NOVA1: variants seen among roughly 807,000 people sequenced by gnomAD.
The protein encoded by NOVA1 is RNA-binding protein Nova-1.
A neutral mutation model predicts 38.0 loss-of-function variants in NOVA1; 7 were observed. The ratio of observed to expected loss-of-function variants is 0.18; its 90% CI spans 0.10 to 0.35. The LOEUF (loss-of-function observed/expected upper bound fraction) is 0.35. NOVA1 is among the 10% of genes least tolerant of loss of function. NOVA1 has a pLI of 1.00. For missense variants in NOVA1, 460 were observed against 616.0 expected (o/e 0.75, Z 2.68); for synonymous variants, 270 against 232.5 (o/e 1.16, Z -1.47).
At chr14:26,490,854 T>G (rs1186625116) in intron 2 of NOVA1, among the ~76,000 whole-genome samples, 4 of 143,448 alleles carry the variant, frequency 2.8e-5, no homozygotes, top group African/African-American at 5.2e-5. Flanking sequence ...TTTTTTTTTT[T>G]TTTTTTTTTT....
chr14:26,583,342 G>A (rs920604900), intron 2 of NOVA1, among the ~76,000 whole-genome samples: 1 of 151,540 alleles, frequency 6.6e-6, no homozygotes, highest in South Asian at 2.1e-4. Context: ...AACAAATCAT[G>A]AAATCATACC....
chr14:26,578,746 G>A (rs1893021229), intron 2 of NOVA1, among the ~76,000 whole-genome samples: 1 of 152,090 alleles, frequency 6.6e-6, no homozygotes, highest in African/African-American at 2.4e-5. Context: ...TATTACAAAT[G>A]AGAAGGAAAT....
intron 2 of NOVA1, among the ~76,000 whole-genome samples, chr14:26,518,935 T>C (rs1053591764): frequency 6.6e-6 from 1 of 152,082 alleles, no homozygotes; most frequent in African/African-American, 2.4e-5. Context: ...ATATACTTTT[T>C]CATTTTTGTT....
At chr14:26,501,922 T>G (rs1401719189) in intron 2 of NOVA1, among the ~76,000 whole-genome samples, 1 of 151,926 alleles carries the variant, frequency 6.6e-6, no homozygotes, top group Admixed American at 6.6e-5. Flanking sequence ...TAAACTAATA[T>G]GTCTGAGGAT....
intron 2 of NOVA1, among the ~76,000 whole-genome samples, chr14:26,532,703 T>C (rs1889808172): frequency 6.6e-6 from 1 of 152,162 alleles, no homozygotes; most frequent in Non-Finnish European, 1.5e-5. Context: ...ATAAGACATG[T>C]TTTACGAGAC....
intron 2 of NOVA1, among the ~76,000 whole-genome samples, chr14:26,566,630 C>CA (rs1892149918): frequency 6.6e-6 from 1 of 151,972 alleles, no homozygotes; most frequent in South Asian, 2.1e-4. Flanking sequence ...CGATAAATCC[C>CA]ATAATATGGC....
chr14:26,472,016 G>A (rs1447869815), intron 4 of NOVA1: 7 of 401,510 alleles, frequency 1.7e-5, no homozygotes, highest in African/African-American at 8.2e-5. Flanking sequence ...ATACAATAAG[G>A]GAGATTAAAA....
At chr14:26,581,639 C>A (rs2138769728) in intron 2 of NOVA1, among the ~76,000 whole-genome samples, 1 of 151,998 alleles carries the variant, frequency 6.6e-6, no homozygotes, top group Admixed American at 6.6e-5. Flanking sequence ...ATTTTCCTTT[C>A]AATGGCAAAA....
Position 26,444,694 on chromosome 14 carries a change from A to G in NOVA1, c.*3265T>C, listed in dbSNP as rs1010164030. On this transcript the variant is annotated 3_prime_UTR_variant, in exon 5 of 5. Transcript: ENST00000539517. ...AGTGGGGTGGGTGAAGTGAAGTAGG[A>G]TTGAAAGTCCTACAGGTAATAGCAA... The G allele has an allele frequency of 4.6e-5, 7 of 152,102 alleles. No homozygotes were observed. The highest frequency in any genetic ancestry group is 1.7e-4 in the African/African-American group (7 of 41,422). 9.4% of individuals were successfully genotyped at this position (152,102 alleles called of 1,614,324 possible). A position where few individuals can be genotyped will look rare whatever the true frequency, so the allele number is the denominator to read the frequency against.
chr14:26,536,532 A>T (rs1890110939), intron 2 of NOVA1, among the ~76,000 whole-genome samples: 1 of 152,030 alleles, frequency 6.6e-6, no homozygotes, highest in African/African-American at 2.4e-5. Context: ...AAAAAAATTT[A>T]AAAAGATATA....
Position 26,481,988 on chromosome 14 carries a change from T to TAAAAAAAAAAAA in NOVA1, c.281-1857_281-1846dup, listed in dbSNP as rs372806170. 4.5e-4 allele frequency among the ~76,000 whole-genome samples: 48 copies of TAAAAAAAAAAAA among 105,944 alleles called. 1 individual carries two copies. The highest frequency in any genetic ancestry group is 1.8e-3 in the African/African-American group (35 of 19,700). The allele number at this position is 105,944 out of a possible 152,430, so 69.5% of individuals were successfully genotyped here. On this transcript the variant is annotated intron_variant, in intron 2 of 4. Coordinates refer to ENST00000539517, the MANE Select transcript of NOVA1 (RefSeq NM_002515.3). ...CAAAACAGTCTAACTTAGATAGAGA[T>TAAAAAAAAAAAA]AAAAAAAAAAAAAAAAAAAAAAAAA... is the stretch of plus-strand genomic sequence containing the variant.
intron 4 of NOVA1, among the ~76,000 whole-genome samples, chr14:26,457,778 T>C (rs1397597218): frequency 1.3e-5 from 2 of 152,040 alleles, no homozygotes; most frequent in Non-Finnish European, 2.9e-5. Context: ...GAAGAACACA[T>C]TGTCATCACA....
intron 2 of NOVA1, among the ~76,000 whole-genome samples, chr14:26,505,918 T>C (rs1052269261): frequency 1.3e-5 from 2 of 152,152 alleles, no homozygotes; most frequent in African/African-American, 4.8e-5. Flanking sequence ...TAAACAGCCT[T>C]TAACAAATCT....
chr14:26,538,120 A>C lies in NOVA1; in HGVS notation c.280+57290T>G, dbSNP rs745380965. Among the ~76,000 whole-genome samples, 52 of 152,200 alleles carry C rather than the reference A, an allele frequency of 3.4e-4. 1 individual carries two copies. Among genetic ancestry groups the C allele is most frequent in the Non-Finnish European group, 7.4e-5 (5 of 68,008 alleles). ...AGAGCCAAATCAAGTTGGAACTTTTAGATTATCTCAGGAAATTAATAAGGC... is the reference window on the plus strand; with the variant it reads ...AGAGCCAAATCAAGTTGGAACTTTTCGATTATCTCAGGAAATTAATAAGGC... On this transcript the variant is annotated intron_variant, in intron 2 of 4. Coordinates refer to ENST00000539517, the MANE Select transcript of NOVA1 (RefSeq NM_002515.3).
chr14:26,465,252 G>C (rs1274534362), intron 4 of NOVA1, among the ~76,000 whole-genome samples: 1 of 152,080 alleles, frequency 6.6e-6, no homozygotes, highest in Admixed American at 6.5e-5. Flanking sequence ...TCAGCTCACT[G>C]GAACCTCCGC....
intron 2 of NOVA1, among the ~76,000 whole-genome samples, chr14:26,555,518 G>C (rs764991723): frequency 6.6e-6 from 1 of 152,036 alleles, no homozygotes; most frequent in Non-Finnish European, 1.5e-5. Flanking sequence ...ACAACACACT[G>C]AAGAGAAAGT....
At chr14:26,570,592 A>AT (rs1892413698) in intron 2 of NOVA1, among the ~76,000 whole-genome samples, 1 of 152,098 alleles carries the variant, frequency 6.6e-6, no homozygotes, top group Non-Finnish European at 1.5e-5. Flanking sequence ...TGTGTACTGT[A>AT]TGTGTATACA....
intron 4 of NOVA1, among the ~76,000 whole-genome samples, chr14:26,452,963 G>C (rs1882829700): frequency 6.6e-6 from 1 of 152,094 alleles, no homozygotes. Flanking sequence ...AGTATATAAG[G>C]TTATAAAGGA....
intron 2 of NOVA1, among the ~76,000 whole-genome samples, chr14:26,592,266 C>T (rs1156563967): frequency 2.0e-5 from 3 of 151,292 alleles, no homozygotes; most frequent in Non-Finnish European, 4.4e-5. Context: ...AATAAACTAT[C>T]GTCACTCTGA....
Sources: allele counts gnomAD v4.1 joint callset (sites outside exome capture counted in the v4.1 genomes callset), GRCh38; gene constraint gnomAD v4.1.1; transcripts MANE v1.5; gene names NCBI Gene and HGNC (gene_info 2026-07-23, HGNC 2026-07-21).